The following ABCD3 variants were observed in gnomAD, a reference collection of about 807,000 sequenced individuals.
ABCD3 encodes the protein ATP-binding cassette sub-family D member 3.
ABCD3 carries 41 observed loss-of-function variants against 105.5 expected under a neutral mutation model. That is an observed-to-expected ratio of 0.39 (90% CI 0.30 to 0.50). The LOEUF is 0.50. ABCD3 is among the 20% of genes least tolerant of loss of function. The pLI, the probability that ABCD3 is intolerant of heterozygous loss-of-function variation, is 0.84. For missense variants in ABCD3, 622 were observed against 806.3 expected, an observed-to-expected ratio of 0.77 and a Z score of 2.77; for synonymous variants, 258 against 269.0, an observed-to-expected ratio of 0.96 and a Z score of 0.40.
chr1:94,500,473 G>C (rs1313725945), intron 20 of ABCD3, among the ~76,000 whole-genome samples: 1 of 152,002 alleles, frequency 6.6e-6, no homozygotes, highest in African/African-American at 2.4e-5. Flanking sequence ...AATTTAAAAA[G>C]AACGGTAGTT....
intron 1 of ABCD3, among the ~76,000 whole-genome samples, chr1:94,457,111 G>A (rs1426483676): frequency 6.6e-6 from 1 of 152,062 alleles, no homozygotes; most frequent in Non-Finnish European, 1.5e-5. Context: ...TTGCTATTGA[G>A]TTGTTTGAGT....
chr1:94,391,973 A>C, the ABCD3 span, among the ~76,000 whole-genome samples: 1 of 151,930 alleles, frequency 6.6e-6, no homozygotes, highest in Non-Finnish European at 1.5e-5. Flanking sequence ...TGGGGGAGGG[A>C]GTGGTTGCAA....
At chr1:94,441,146 G>T (rs1490001193) in intron 1 of ABCD3, among the ~76,000 whole-genome samples, 1 of 152,146 alleles carries the variant, frequency 6.6e-6, no homozygotes, top group Non-Finnish European at 1.5e-5. Context: ...AAAAGCTTCT[G>T]TGTGGTAAAA....
At chr1:94,465,074 T>C (rs541106902) in intron 3 of ABCD3, among the ~76,000 whole-genome samples, 157 of 152,214 alleles carry the variant, frequency 1.0e-3, no homozygotes, top group African/African-American at 3.6e-3. Context: ...GGGAAGCCAG[T>C]GTCTCACATG....
chr1:94,458,743 G>C, intron 2 of ABCD3, 100 bp downstream of exon 2: 1 of 1,236,056 alleles, frequency 8.1e-7, no homozygotes, highest in Non-Finnish European at 1.2e-6. Flanking sequence ...AATTAGTAGG[G>C]AACTTAAAAA....
intron 1 of ABCD3, among the ~76,000 whole-genome samples, chr1:94,447,636 T>C (rs1660405861): frequency 6.6e-6 from 1 of 152,248 alleles, no homozygotes; most frequent in Non-Finnish European, 1.5e-5. Context: ...CATTATTCAT[T>C]ATATGGACAA....
chr1:94,387,244 A>G, the ABCD3 span, among the ~76,000 whole-genome samples: 2 of 152,200 alleles, frequency 1.3e-5, no homozygotes, highest in Non-Finnish European at 2.9e-5. Context: ...CTGAGCCTCT[A>G]TTTAACAACA....
At chr1:94,414,613 C>T (rs1408695643), upstream of ABCD3, among the ~76,000 whole-genome samples, 1 of 152,124 alleles carries the variant, frequency 6.6e-6, no homozygotes, top group Non-Finnish European at 1.5e-5. Flanking sequence ...AATAAAAATC[C>T]TACCCGGTTG....
At chr1:94,434,304 A>C (rs1403356968) in intron 1 of ABCD3, among the ~76,000 whole-genome samples, 2 of 152,200 alleles carry the variant, frequency 1.3e-5, no homozygotes, top group African/African-American at 4.8e-5. Flanking sequence ...CTTCTTCTGG[A>C]ATACTTTTTG....
chr1:94,444,915 C>T (rs762790308), intron 1 of ABCD3, among the ~76,000 whole-genome samples: 30 of 152,260 alleles, frequency 2.0e-4, no homozygotes, highest in African/African-American at 3.4e-4. Context: ...GCAGGTTTAC[C>T]GGAATGAGGG....
Position 94,489,720 on chromosome 1 carries a change from T to C in ABCD3, c.1158-5T>C. 1 of 1,609,626 alleles carries C rather than the reference T, an allele frequency of 6.2e-7. No individual in the cohort carries two copies. The highest frequency in any genetic ancestry group is 8.5e-7 in the Non-Finnish European group (1 of 1,176,534). On this transcript the variant is annotated splice_region_variant and splice_polypyrimidine_tract_variant and intron_variant, in intron 13 of 22. Transcript: ENST00000370214. ...TGATTATGGTTTCCTTTTCTAAAATTTTAGTTTTACTGCTCGGATTACAGA... is the reference window on the plus strand; with the variant it reads ...TGATTATGGTTTCCTTTTCTAAAATCTTAGTTTTACTGCTCGGATTACAGA...
chr1:94,464,582 A>G (rs4148054), intron 2 of ABCD3, among the ~76,000 whole-genome samples, 193 bp from the exon 3 acceptor site: 2,279 of 152,030 alleles, frequency 0.015, 54 homozygotes, highest in East Asian at 0.098. Flanking sequence ...TTCCTTATTC[A>G]GTTTTTAGAT....
chr1:94,468,066 T>C (rs1648239712), intron 4 of ABCD3, 59 bp downstream of exon 4: 6 of 1,193,434 alleles, frequency 5.0e-6, no homozygotes, highest in Non-Finnish European at 7.5e-6. Context: ...CTCATATTTA[T>C]GCATTATCTT....
chr1:94,470,069 TTTTG>T (rs1648376545), intron 4 of ABCD3, among the ~76,000 whole-genome samples: 1 of 152,210 alleles, frequency 6.6e-6, no homozygotes, highest in Non-Finnish European at 1.5e-5. Flanking sequence ...TTTCTGGATT[TTTTG>T]TTTTTCTCTT....
upstream of ABCD3, among the ~76,000 whole-genome samples, chr1:94,413,732 T>TGTTCTC (rs1183089883): frequency 6.6e-6 from 1 of 152,206 alleles, no homozygotes; most frequent in Non-Finnish European, 1.5e-5. Flanking sequence ...AAAGATGATT[T>TGTTCTC]GTTCTCAGTG....
intron 1 of ABCD3, among the ~76,000 whole-genome samples, chr1:94,441,675 G>A (rs1660138936): frequency 6.6e-6 from 1 of 152,098 alleles, no homozygotes; most frequent in Non-Finnish European, 1.5e-5. Flanking sequence ...AAAAATGAAG[G>A]TGCTTTCTAT....
At chr1:94,403,997 C>A in the ABCD3 span, among the ~76,000 whole-genome samples, 1 of 152,146 alleles carries the variant, frequency 6.6e-6, no homozygotes, top group Non-Finnish European at 1.5e-5. Flanking sequence ...CACTAGTATA[C>A]AAATGTATAC....
In ABCD3 at chr1:94,458,612, A is replaced by G. The variant is rs371197873; in HGVS notation, c.116A>G (p.Lys39Arg). ...TCTCTTTTTTTCCTCTGCAGTAAGAAAAGTGGAAAACCACCATTACAGAAC... is the reference window on the plus strand; with the variant it reads ...TCTCTTTTTTTCCTCTGCAGTAAGAGAAGTGGAAAACCACCATTACAGAAC... ...RRRALGLHGK[K>R]SGKPPLQNNE... The change falls in exon 2 of 23, where the codon AAA becomes AGA. Residue 39 changes from lysine (K) to arginine (R), a missense_variant. Lys to Arg is a conservative substitution (Grantham distance 26). Coordinates refer to ENST00000370214, the MANE Select transcript of ABCD3 (RefSeq NM_002858.4). 1.1e-5 allele frequency: 18 copies of G among 1,612,754 alleles called. No individual in the cohort carries two copies. The African/African-American group carries it at 2.3e-4, about 20-fold the overall frequency.
At chr1:94,421,561 GAT>G (rs1491135452) in intron 1 of ABCD3, among the ~76,000 whole-genome samples, 6 of 76,410 alleles carry the variant, frequency 7.9e-5, no homozygotes, top group Admixed American at 3.7e-4. Flanking sequence ...GGAGCTATAA[GAT>G]GTGTGTGTGT....
Sources: gnomAD v4.1 joint callset for allele counts (sites outside exome capture counted in the v4.1 genomes callset) on GRCh38, gnomAD v4.1.1 for gene constraint, MANE v1.5 for transcripts, NCBI Gene and HGNC (gene_info 2026-07-23, HGNC 2026-07-21) for gene names.